POR: variants seen among roughly 807,000 people sequenced by gnomAD.
POR encodes NADPH--cytochrome P450 reductase.
A neutral mutation model predicts 84.0 loss-of-function variants in POR; 56 were observed. That is an observed-to-expected ratio of 0.67 (90% CI 0.54 to 0.83). POR has a LOEUF of 0.83. Among genes scored for constraint, POR ranks in the 40% least tolerant of loss-of-function variants. The pLI, the probability that POR is intolerant of heterozygous loss-of-function variation, is 0.00. For synonymous variants in POR, 414 were observed against 400.5 expected, an observed-to-expected ratio of 1.03 and a Z score of -0.40; for missense variants, 938 against 944.3, an observed-to-expected ratio of 0.99 and a Z score of 0.09.
Position 75,986,803 on chromosome 7 carries a change from G to A in POR, c.*322G>A, listed in dbSNP as rs1554559666. ...CCCCTCCACGTGATTTCCAGTGAGT[G>A]TAAATAATTTTAAATAACCTCTGGC... On this transcript the variant is annotated 3_prime_UTR_variant, in exon 16 of 16. Transcript: ENST00000461988. 5.2e-6 allele frequency: 3 copies of A among 576,896 alleles called. No individual in the cohort carries two copies. The highest frequency in any genetic ancestry group is 2.8e-5 in the East Asian group (1 of 35,432). 35.7% of individuals were successfully genotyped at this position (576,896 alleles called of 1,614,324 possible).
At chr7:75,968,009 G>A in intron 2 of POR, 1 of 454,114 alleles carries the variant, frequency 2.2e-6, no homozygotes, top group Non-Finnish European at 4.4e-6. Flanking sequence ...CCATCTGCTG[G>A]CCCCTGCTGG....
chr7:75,963,285 C>T (rs113980784), intron 2 of POR, among the ~76,000 whole-genome samples: 38 of 152,272 alleles, frequency 2.5e-4, no homozygotes, highest in African/African-American at 8.9e-4. Flanking sequence ...CGAGAGTAGA[C>T]GGTGCAGGGG....
At chr7:75,981,459 G>A in intron 6 of POR, 58 bp from the exon 7 acceptor site, 2 of 1,486,974 alleles carry the variant, frequency 1.3e-6, no homozygotes, top group Non-Finnish European at 1.8e-6. Flanking sequence ...CTGGCACCAG[G>A]TACCGTTGCC....
Position 75,972,481 on chromosome 7 carries a change from TTACTC to T in POR, c.237+22_237+26del. 1.3e-6 allele frequency: 2 copies of T among 1,592,166 alleles called. No individual in the cohort carries two copies. Among genetic ancestry groups the T allele is most frequent in the Non-Finnish European group, 1.7e-6 (2 of 1,167,880 alleles). Reference sequence around the variant, plus strand: ...AAAACGGTGAGTTTCCTGCATGTCTTTACTCTTCTCAGGAAGCCTCGGCCCCGATG... The same window carrying T: ...AAAACGGTGAGTTTCCTGCATGTCTTTTCTCAGGAAGCCTCGGCCCCGATG... On this transcript the variant is annotated intron_variant, in intron 3 of 15. Transcript: ENST00000461988.
intron 1 of POR, among the ~76,000 whole-genome samples, chr7:75,946,286 C>T (rs1309811928): frequency 6.6e-6 from 1 of 151,850 alleles, no homozygotes; most frequent in African/African-American, 2.4e-5. Flanking sequence ...GTGCCTTTTT[C>T]TGTGCCTAAT....
At chr7:75,963,554 C>T (rs1162354269) in intron 2 of POR, among the ~76,000 whole-genome samples, 4 of 152,208 alleles carry the variant, frequency 2.6e-5, no homozygotes, top group African/African-American at 4.8e-5. Context: ...CTCCTGACTT[C>T]ACTGGGCCCT....
chr7:75,981,083 C>T lies in POR; in HGVS notation c.552C>T (p.Phe184=), dbSNP rs1788992781. The change falls in exon 6 of 16, where the codon TTC becomes TTT. Residue 184 remains phenylalanine (F), a synonymous_variant. Transcript: ENST00000461988. ...TTGGGAACAAGACCTACGAGCACTT[C>T]AATGCCATGGGCAAGTACGTGGACA... is the stretch of plus-strand genomic sequence containing the variant. 6.3e-7 allele frequency: 1 copy of T among 1,575,100 alleles called. No homozygotes were observed. The highest frequency in any genetic ancestry group is 8.6e-7 in the Non-Finnish European group (1 of 1,161,048).
At chr7:75,980,878 T>C (rs1788978728) in intron 5 of POR, 170 bp from the exon 6 acceptor site, 8 of 1,073,744 alleles carry the variant, frequency 7.5e-6, no homozygotes, top group Non-Finnish European at 1.0e-5. Flanking sequence ...AGATGAAGCC[T>C]CTTCAGTGGC....
intron 2 of POR, among the ~76,000 whole-genome samples, chr7:75,971,511 G>C (rs1200268887): frequency 1.3e-5 from 2 of 152,050 alleles, no homozygotes; most frequent in Non-Finnish European, 2.9e-5. Flanking sequence ...CGGGGTGAGG[G>C]GTGGTGCGGG....
At chr7:75,982,036 C>T (rs1789079515) in intron 7 of POR, 188 bp from the exon 8 acceptor site, 2 of 606,536 alleles carry the variant, frequency 3.3e-6, no homozygotes. Flanking sequence ...CAGCTCCACG[C>T]CGCCTCCCTC....
chr7:75,957,022 G>A (rs1260289111), intron 2 of POR, among the ~76,000 whole-genome samples: 3 of 152,184 alleles, frequency 2.0e-5, no homozygotes, highest in Non-Finnish European at 2.9e-5. Flanking sequence ...CACCACACCC[G>A]GCCACAGCGT....
intron 1 of POR, among the ~76,000 whole-genome samples, chr7:75,945,821 C>G (rs1185904654): frequency 6.6e-6 from 1 of 152,206 alleles, no homozygotes; most frequent in Non-Finnish European, 1.5e-5. Context: ...ACCCCAATAT[C>G]AGTGCTGAGT....
At position 75,986,534 on chromosome 7, in the gene POR, T is replaced by C. The variant is rs1554559559; in HGVS notation, c.*53T>C. 7 of 1,578,970 alleles carry C rather than the reference T, an allele frequency of 4.4e-6. No homozygotes were observed. The South Asian group carries it at 7.9e-5, about 18-fold the overall frequency. On this transcript the variant is annotated 3_prime_UTR_variant, in exon 16 of 16. Transcript: ENST00000461988. ...GACTCCGGCCTGTAATCAGCTCTCC[T>C]GGCTCCCTCCCGTAGTCTCCTGGGT...
intron 1 of POR, among the ~76,000 whole-genome samples, chr7:75,947,573 G>A (rs782673816): frequency 1.3e-5 from 2 of 152,164 alleles, no homozygotes; most frequent in Non-Finnish European, 2.9e-5. Flanking sequence ...GTGATTACAG[G>A]CGTTAGCCAC....
In POR at chr7:75,945,812, C is replaced by T. The variant is rs574382126; in HGVS notation, c.-4-8177C>T. 2.6e-5 allele frequency among the ~76,000 whole-genome samples: 4 copies of T among 152,324 alleles called. No individual in the cohort carries two copies. The South Asian group carries it at 8.3e-4, about 32-fold the overall frequency. Reference sequence around the variant, plus strand: ...TGCTTTGATTGGGGTGTCTGACTCACCCCAATATCAGTGCTGAGTTGGTTG... The same window carrying T: ...TGCTTTGATTGGGGTGTCTGACTCATCCCAATATCAGTGCTGAGTTGGTTG... On this transcript the variant is annotated intron_variant, in intron 1 of 15. Coordinates refer to ENST00000461988, the MANE Select transcript of POR (RefSeq NM_000941.3).
intron 1 of POR, among the ~76,000 whole-genome samples, chr7:75,933,425 G>T (rs921354776): frequency 2.2e-5 from 2 of 90,784 alleles, no homozygotes; most frequent in South Asian, 8.0e-4. Flanking sequence ...TTTCACTCTT[G>T]TTGCCCAGGC....
intron 1 of POR, among the ~76,000 whole-genome samples, chr7:75,924,835 A>T (rs782740782): frequency 1.3e-5 from 2 of 152,218 alleles, no homozygotes; most frequent in Non-Finnish European, 2.9e-5. Context: ...GTCTCATGTA[A>T]CCAACGTAGC....
chr7:75,933,387 T>G lies in POR; in HGVS notation c.-5+18208T>G, dbSNP rs1381133819. Among the ~76,000 whole-genome samples the G allele has an allele frequency of 4.9e-3, 447 of 90,704 alleles. 3 individuals carry two copies. The highest frequency in any genetic ancestry group is 0.029 in the African/African-American group (345 of 11,826). The allele number at this position is 90,704 out of a possible 152,430, so 59.5% of individuals were successfully genotyped here. A position where few individuals can be genotyped will look rare whatever the true frequency, so the allele number is the denominator to read the frequency against. ...TACAATAGGTCTTTGTTTTTTTTTTTTTTTTTTTTTTTTTTTTTTGAGCGG... is the reference window on the plus strand; with the variant it reads ...TACAATAGGTCTTTGTTTTTTTTTTGTTTTTTTTTTTTTTTTTTTGAGCGG... On this transcript the variant is annotated intron_variant, in intron 1 of 15. Transcript: ENST00000461988.
At chr7:75,981,666 C>T in intron 7 of POR, 60 bp downstream of exon 7, 1 of 1,411,114 alleles carries the variant, frequency 7.1e-7, no homozygotes, top group Non-Finnish European at 9.8e-7. Flanking sequence ...CGAGGGCAGC[C>T]ACCCTGGAAC....
Sources: gnomAD v4.1 joint callset for allele counts (sites outside exome capture counted in the v4.1 genomes callset) on GRCh38, gnomAD v4.1.1 for gene constraint, MANE v1.5 for transcripts, NCBI Gene and HGNC (gene_info 2026-07-23, HGNC 2026-07-21) for gene names.